SAMMSON: variants seen among roughly 807,000 people sequenced by gnomAD.
The protein encoded by SAMMSON is survival associated mitochondrial melanoma specific oncogenic non-coding RNA, also known as long intergenic non-protein coding RNA 1212.
At chr3:70,012,099 G>A (rs1175091629) in intron 1 of SAMMSON, among the ~76,000 whole-genome samples, 4 of 152,098 alleles carry the variant, frequency 2.6e-5, no homozygotes, top group Non-Finnish European at 4.4e-5. Context: ...CCATGATCCA[G>A]AGCTGGAGGA....
intron 6 of SAMMSON, among the ~76,000 whole-genome samples, chr3:70,288,737 G>A (rs1256594631): frequency 1.3e-5 from 2 of 151,810 alleles, no homozygotes; most frequent in Non-Finnish European, 2.9e-5. Flanking sequence ...ATGAATCTAG[G>A]TGCTCCTGTG....
chr3:70,185,423 A>G (rs1472021593), intron 4 of SAMMSON, among the ~76,000 whole-genome samples: 2 of 152,126 alleles, frequency 1.3e-5, no homozygotes, highest in African/African-American at 2.4e-5. Flanking sequence ...TTAAGGGGGC[A>G]TGTCAGGTCT....
intron 9 of SAMMSON, among the ~76,000 whole-genome samples, chr3:70,378,979 TTTTATTTATTTATTTATTTATTTATTTA>T (rs145138282): frequency 2.1e-5 from 3 of 141,450 alleles, no homozygotes; most frequent in African/African-American, 7.9e-5. Context: ...ATACTTACAC[TTTTATTTATTTATTTATTTATTTATTTA>T]TTTATTTATT....
At chr3:70,379,639 A>G (rs1272871923) in intron 9 of SAMMSON, among the ~76,000 whole-genome samples, 1 of 152,046 alleles carries the variant, frequency 6.6e-6, no homozygotes, top group African/African-American at 2.4e-5. Context: ...GGTCAAGACA[A>G]CTCTCTGTGG....
At chr3:70,045,081 TATATA>T (rs1461153160) in intron 3 of SAMMSON, among the ~76,000 whole-genome samples, 67 of 84,238 alleles carry the variant, frequency 8.0e-4, no homozygotes, top group Middle Eastern at 7.4e-3. Flanking sequence ...ATAATTAATA[TATATA>T]ATTAATTATA....
chr3:70,088,181 A>G (rs190637545), intron 4 of SAMMSON, among the ~76,000 whole-genome samples: 35 of 152,296 alleles, frequency 2.3e-4, no homozygotes, highest in Admixed American at 2.3e-3. Context: ...TAGGATAACG[A>G]TAGCTTTTCT....
intron 4 of SAMMSON, among the ~76,000 whole-genome samples, chr3:70,165,382 T>C (rs1483613491): frequency 6.6e-6 from 1 of 151,938 alleles, no homozygotes; most frequent in Admixed American, 6.6e-5. Context: ...CAGAGCCCCA[T>C]GAGTGAAATT....
At chr3:70,118,663 C>G (rs996437758) in intron 4 of SAMMSON, among the ~76,000 whole-genome samples, 1 of 152,166 alleles carries the variant, frequency 6.6e-6, no homozygotes, top group Non-Finnish European at 1.5e-5. Context: ...CATGGCACCC[C>G]GAGCCCTTTT....
At chr3:70,428,639 T>A (rs1243734047) in intron 2 of SAMMSON, among the ~76,000 whole-genome samples, 1 of 152,226 alleles carries the variant, frequency 6.6e-6, no homozygotes, top group Non-Finnish European at 1.5e-5. Context: ...CATAGAATTT[T>A]GTGAAGGATT....
chr3:70,382,947 A>G (rs1479006011), intron 9 of SAMMSON, among the ~76,000 whole-genome samples: 4 of 152,140 alleles, frequency 2.6e-5, no homozygotes, highest in Admixed American at 6.6e-5. Context: ...GGTTTGGAAG[A>G]TAAAGGTTGT....
chr3:70,113,639 C>T (rs1382632695), intron 4 of SAMMSON, among the ~76,000 whole-genome samples: 1 of 152,124 alleles, frequency 6.6e-6, no homozygotes, highest in African/African-American at 2.4e-5. Context: ...TTTTGGAAGT[C>T]ATATTTGGTA....
chr3:70,126,518 C>G (rs1051444621), intron 4 of SAMMSON: 1 of 614,888 alleles, frequency 1.6e-6, no homozygotes, highest in African/African-American at 1.8e-5. Flanking sequence ...TGGCAGGTGC[C>G]TCACCAGAAG....
intron 6 of SAMMSON, chr3:70,283,962 A>C (rs1702115202): frequency 6.6e-6 from 1 of 151,972 alleles, no homozygotes; most frequent in African/African-American, 2.4e-5. Context: ...CTGATCCCTG[A>C]TCTCTAGTTT....
At chr3:70,349,825 C>T (rs947277680) in intron 7 of SAMMSON, among the ~76,000 whole-genome samples, 1 of 152,138 alleles carries the variant, frequency 6.6e-6, no homozygotes, top group Non-Finnish European at 1.5e-5. Flanking sequence ...GACCACTCAA[C>T]AATAATGGGT....
chr3:70,262,246 G>T (rs140419161), intron 6 of SAMMSON, among the ~76,000 whole-genome samples: 3 of 152,150 alleles, frequency 2.0e-5, no homozygotes, highest in Non-Finnish European at 4.4e-5. Context: ...TACCAATAAC[G>T]TGAGACTGAA....
intron 4 of SAMMSON, among the ~76,000 whole-genome samples, chr3:70,179,937 T>G (rs1324513403): frequency 6.6e-6 from 1 of 151,996 alleles, no homozygotes; most frequent in Non-Finnish European, 1.5e-5. Flanking sequence ...TCCTGTGACC[T>G]TTATTCTCCT....
chr3:70,299,324 A>G (rs1015763208), intron 7 of SAMMSON, among the ~76,000 whole-genome samples: 3 of 145,856 alleles, frequency 2.1e-5, no homozygotes, highest in African/African-American at 7.6e-5. Flanking sequence ...TTTGTGCGTT[A>G]TTTGTATACA....
intron 4 of SAMMSON, among the ~76,000 whole-genome samples, chr3:70,202,471 C>CT (rs1157473079): frequency 6.6e-6 from 1 of 152,104 alleles, no homozygotes; most frequent in African/African-American, 2.4e-5. Context: ...CTGTATTTGA[C>CT]TTTTCTGCTC....
At chr3:70,232,344 T>C (rs1701567083) in intron 4 of SAMMSON, among the ~76,000 whole-genome samples, 1 of 152,102 alleles carries the variant, frequency 6.6e-6, no homozygotes, top group South Asian at 2.1e-4. Context: ...TGCACATGTG[T>C]CGAATGCCCA....
Sources: gnomAD v4.1 joint callset for allele counts (sites outside exome capture counted in the v4.1 genomes callset) on GRCh38, gnomAD v4.1.1 for gene constraint, MANE v1.5 for transcripts, NCBI Gene and HGNC (gene_info 2026-07-23, HGNC 2026-07-21) for gene names.